Variants in RAPGEF6 observed in about 807,000 individuals in gnomAD.
The protein encoded by RAPGEF6 is PDZ domain containing guanine nucleotide exchange factor (GEF) 2.
In RAPGEF6, 56 loss-of-function variants were observed where a neutral mutation model predicts 171.4. That is an observed-to-expected ratio of 0.33 (90% CI 0.26 to 0.41). The LOEUF (loss-of-function observed/expected upper bound fraction) is 0.41, where lower values mean the gene tolerates loss of function less well. Ranked by LOEUF, RAPGEF6 falls within the 10% of genes least tolerant of loss-of-function variation. The probability of loss-of-function intolerance (pLI) is 1.00; values close to 1 mark genes in which losing one functional copy is unlikely to be tolerated. For missense variants in RAPGEF6, 1,674 were observed against 1,921.4 expected (o/e 0.87, Z 2.41); for synonymous variants, 692 against 650.1 (o/e 1.06, Z -0.98).
intron 1 of RAPGEF6, among the ~76,000 whole-genome samples, chr5:131,630,476 C>A (rs184819153): frequency 1.8e-4 from 28 of 152,118 alleles, no homozygotes; most frequent in Non-Finnish European, 3.1e-4. Flanking sequence ...ATGTCTGTAC[C>A]TTAACAGTTT....
intron 5 of RAPGEF6, 121 bp downstream of exon 5, chr5:131,561,857 A>C (rs1761625046): frequency 1.4e-6 from 1 of 726,360 alleles, no homozygotes; most frequent in Admixed American, 2.9e-5. Context: ...TTCTGATGCT[A>C]CTTGATGAAA....
intron 16 of RAPGEF6, among the ~76,000 whole-genome samples, chr5:131,477,096 TA>T (rs1755153005): frequency 6.6e-6 from 1 of 152,106 alleles, no homozygotes; most frequent in Non-Finnish European, 1.5e-5. Flanking sequence ...GAGAGCTCTT[TA>T]TATATAAAGG....
rs1250709732 is a variant in RAPGEF6 at position 131,521,593 on chromosome 5, A to G, written c.496-72T>C. On this transcript the variant is annotated intron_variant, in intron 6 of 27. Transcript: ENST00000509018. The stretch of plus-strand genomic sequence containing the variant: ...TTTTTAAGCGGTTTCGACATGTTCA[A>G]CAAATTTTTATGTACATTACTGTGC... 7 of 1,416,902 alleles carry G rather than the reference A, an allele frequency of 4.9e-6. No individual in the cohort carries two copies. The Admixed American group carries it at 7.0e-5, about 14-fold the overall frequency. 87.8% of individuals were successfully genotyped at this position (1,416,902 alleles called of 1,614,324 possible).
At chr5:131,443,945 A>C (rs1044519360) in intron 22 of RAPGEF6, among the ~76,000 whole-genome samples, 10 of 152,214 alleles carry the variant, frequency 6.6e-5, no homozygotes, top group Non-Finnish European at 7.3e-5. Flanking sequence ...TGAATGTGAG[A>C]ATAAAAAACT....
At chr5:131,504,496 T>C in intron 11 of RAPGEF6, 130 bp downstream of exon 11, 1 of 976,302 alleles carries the variant, frequency 1.0e-6, no homozygotes, top group East Asian at 2.8e-5. Flanking sequence ...AGACAAAGAG[T>C]CAACATTTAA....
At chr5:131,487,418 A>G (rs1360646872) in intron 15 of RAPGEF6, among the ~76,000 whole-genome samples, 1 of 152,192 alleles carries the variant, frequency 6.6e-6, no homozygotes, top group Non-Finnish European at 1.5e-5. Flanking sequence ...TCCATTTTAC[A>G]GAGTGCTTGA....
intron 23 of RAPGEF6, among the ~76,000 whole-genome samples, 162 bp from the exon 24 acceptor site, chr5:131,439,877 A>T (rs919732462): frequency 1.3e-5 from 2 of 152,226 alleles, no homozygotes; most frequent in Admixed American, 1.3e-4. Flanking sequence ...GTAATGGCAT[A>T]CAGAGATTCT....
chr5:131,452,037 G>A (rs1010352966), intron 21 of RAPGEF6, among the ~76,000 whole-genome samples: 2 of 152,048 alleles, frequency 1.3e-5, no homozygotes, highest in African/African-American at 4.8e-5. Context: ...TCGAGACCAC[G>A]GTGAAACCTT....
In RAPGEF6 at chr5:131,455,708, A is replaced by G; in HGVS notation, c.3076+93T>C. On this transcript the variant is annotated intron_variant, in intron 20 of 27. Coordinates refer to ENST00000509018, the MANE Select transcript of RAPGEF6 (RefSeq NM_016340.6). ...TAAAATAGTGTATAGTTACCAAATTAATAGAATAGGAAATATACCATACAC... is the reference window on the plus strand; with the variant it reads ...TAAAATAGTGTATAGTTACCAAATTGATAGAATAGGAAATATACCATACAC... The G allele has an allele frequency of 1.9e-6, 2 of 1,080,454 alleles. 1 individual carries two copies. The highest frequency in any genetic ancestry group is 2.9e-5 in the South Asian group (2 of 68,504). 66.9% of individuals were successfully genotyped at this position (1,080,454 alleles called of 1,614,324 possible). A position where few individuals can be genotyped will look rare whatever the true frequency, so the allele number is the denominator to read the frequency against.
chr5:131,539,897 G>A (rs954413777), intron 6 of RAPGEF6, among the ~76,000 whole-genome samples: 6 of 152,118 alleles, frequency 3.9e-5, no homozygotes, highest in African/African-American at 9.7e-5. Context: ...AGATTCTAGC[G>A]TGTCACATCA....
At chr5:131,630,420 G>C (rs1766228675) in intron 1 of RAPGEF6, among the ~76,000 whole-genome samples, 2 of 152,124 alleles carry the variant, frequency 1.3e-5, no homozygotes, top group African/African-American at 4.8e-5. Flanking sequence ...TGGGATATTG[G>C]CTTTACTGCA....
At chr5:131,566,907 G>A (rs1761982282) in intron 4 of RAPGEF6, among the ~76,000 whole-genome samples, 1 of 151,714 alleles carries the variant, frequency 6.6e-6, no homozygotes, top group Admixed American at 6.6e-5. Context: ...TCAGGAGTTC[G>A]AGACCAGCCT....
At chr5:131,494,800 A>C (rs1247350127) in intron 13 of RAPGEF6, among the ~76,000 whole-genome samples, 1 of 152,228 alleles carries the variant, frequency 6.6e-6, no homozygotes, top group Admixed American at 6.5e-5. Flanking sequence ...TAAACTAGGG[A>C]GTAAAAAAGA....
At chr5:131,516,320 G>A (rs573399391) in intron 7 of RAPGEF6, among the ~76,000 whole-genome samples, 1 of 152,196 alleles carries the variant, frequency 6.6e-6, no homozygotes, top group Admixed American at 6.5e-5. Context: ...CTGACCTCAA[G>A]TGATCCACCG....
chr5:131,588,782 A>G (rs1763416447), intron 4 of RAPGEF6, among the ~76,000 whole-genome samples: 1 of 150,938 alleles, frequency 6.6e-6, no homozygotes, highest in Non-Finnish European at 1.5e-5. Context: ...ATAAAGATTA[A>G]TGGAAAACAG....
chr5:131,624,797 T>C (rs1039530829), intron 1 of RAPGEF6, among the ~76,000 whole-genome samples: 10 of 152,258 alleles, frequency 6.6e-5, no homozygotes, highest in African/African-American at 2.4e-4. Context: ...TTCTGTATCA[T>C]GATACACACA....
At chr5:131,601,008 G>A (rs941077234) in intron 3 of RAPGEF6, among the ~76,000 whole-genome samples, 3 of 151,650 alleles carry the variant, frequency 2.0e-5, no homozygotes, top group Non-Finnish European at 4.4e-5. Context: ...TGTAATCCTC[G>A]GGAGTCTGAA....
rs932030199 is a variant in RAPGEF6, at chr5:131,512,269, CG to C, written c.628-1779del. Among the ~76,000 whole-genome samples the C allele has an allele frequency of 7.2e-5, 11 of 152,054 alleles. No individual in the cohort carries two copies. In the South Asian group the frequency reaches 2.3e-3, roughly 32 times the overall value. On this transcript the variant is annotated intron_variant, in intron 7 of 27. Coordinates refer to ENST00000509018, the MANE Select transcript of RAPGEF6 (RefSeq NM_016340.6). ...AGCCAAAAGACCAGAAACAGGCAGA[CG>C]GGGCAGACGTACCTGCAAGCATCCA...
intron 6 of RAPGEF6, among the ~76,000 whole-genome samples, chr5:131,521,905 TCACA>T (rs1580963358): frequency 1.6e-5 from 2 of 122,718 alleles, no homozygotes; most frequent in Admixed American, 1.6e-4. Context: ...TCTCTCTCTC[TCACA>T]CACACACTCA....
Sources: allele counts gnomAD v4.1 joint callset (sites outside exome capture counted in the v4.1 genomes callset), GRCh38; gene constraint gnomAD v4.1.1; transcripts MANE v1.5; gene names NCBI Gene and HGNC (gene_info 2026-07-23, HGNC 2026-07-21).